Variants in ANO3 observed in about 807,000 individuals in gnomAD.
The protein encoded by ANO3 is anoctamin-3.
A neutral mutation model predicts 144.8 loss-of-function variants in ANO3; 99 were observed. The ratio of observed to expected loss-of-function variants is 0.68; its 90% CI spans 0.58 to 0.81. The LOEUF is 0.81. Ranked by LOEUF, ANO3 falls within the 30% of genes least tolerant of loss-of-function variation. ANO3 has a pLI of 0.00. For missense variants in ANO3, 905 were observed against 1,202.2 expected, an observed-to-expected ratio of 0.75 and a Z score of 3.66; for synonymous variants, 414 against 392.6, an observed-to-expected ratio of 1.05 and a Z score of -0.64.
chr11:26,419,480 C>G lies in ANO3; in HGVS notation c.47-22438C>G, dbSNP rs1046619538. Among the ~76,000 whole-genome samples the G allele has an allele frequency of 3.3e-5, 5 of 152,094 alleles. No individual in the cohort carries two copies. The South Asian group carries it at 1.0e-3, about 32-fold the overall frequency. On this transcript the variant is annotated intron_variant, in intron 1 of 26. Transcript: ENST00000256737. ...CTACCATGTATTGCAATAAACAGCA[C>G]ATTTCTGAACAAATTAGTAAAGTAA...
chr11:26,406,718 TGTGTGTGG>T (rs1458667302), intron 1 of ANO3, among the ~76,000 whole-genome samples: 3 of 141,674 alleles, frequency 2.1e-5, no homozygotes, highest in African/African-American at 2.7e-5. Context: ...TGTGTGTGTG[TGTGTGTGG>T]ATTGGTGGCA....
chr11:26,581,144 G>A (rs1851117377), intron 14 of ANO3, among the ~76,000 whole-genome samples: 1 of 152,128 alleles, frequency 6.6e-6, no homozygotes, highest in African/African-American at 2.4e-5. Context: ...ACCTCTAAGA[G>A]TCTCGGTTTG....
In ANO3 at chr11:26,660,829, C is replaced by T; in HGVS notation, c.*385C>T. 1 of 174,182 alleles carries T rather than the reference C, an allele frequency of 5.7e-6. No homozygotes were observed. Among genetic ancestry groups the T allele is most frequent in the East Asian group, 1.7e-4 (1 of 5,832 alleles). The allele number at this position is 174,182 out of a possible 1,614,324, so 10.8% of individuals were successfully genotyped here. ...GCCAGGCATGGCTTAAAATATCATG[C>T]AGTCTTCACTCACATACTAATTTGA... On this transcript the variant is annotated 3_prime_UTR_variant, in exon 27 of 27. Coordinates refer to ENST00000256737, the MANE Select transcript of ANO3 (RefSeq NM_031418.4).
chr11:26,245,871 A>G (rs1032802215), intron 1 of ANO3, among the ~76,000 whole-genome samples: 4 of 152,214 alleles, frequency 2.6e-5, no homozygotes, highest in Admixed American at 2.6e-4. Flanking sequence ...TGCAAAATCT[A>G]TTAGTCCTGC....
chr11:26,510,635 C>A (rs548584585), intron 5 of ANO3, among the ~76,000 whole-genome samples: 2 of 152,282 alleles, frequency 1.3e-5, no homozygotes, highest in South Asian at 2.1e-4. Flanking sequence ...TAGCACTGAG[C>A]AAGCTGCTGA....
intron 13 of ANO3, chr11:26,559,511 C>G: frequency 1.8e-6 from 1 of 541,846 alleles, no homozygotes; most frequent in South Asian, 2.6e-5. Context: ...GAGAAGAGGG[C>G]TAATGTTGTT....
chr11:26,505,011 C>CAAAAA (rs61530995), intron 4 of ANO3, among the ~76,000 whole-genome samples: 7 of 63,662 alleles, frequency 1.1e-4, no homozygotes, highest in African/African-American at 1.3e-4. Flanking sequence ...GACTCCACCT[C>CAAAAA]AAAAAAAAAA....
chr11:26,565,760 C>A (rs1590549821), intron 14 of ANO3: 1 of 1,613,292 alleles, frequency 6.2e-7, no homozygotes, highest in Non-Finnish European at 8.5e-7. Context: ...CTGCAATGTT[C>A]TGTGTTGTGT....
intron 24 of ANO3, among the ~76,000 whole-genome samples, chr11:26,649,673 G>T (rs61877277): frequency 0.031 from 4,647 of 152,074 alleles, 99 homozygotes; most frequent in Non-Finnish European, 0.049. Context: ...AGAGGCGGAG[G>T]TTGCAGTGAG....
intron 1 of ANO3, among the ~76,000 whole-genome samples, chr11:26,239,187 A>G (rs1179312929): frequency 6.6e-6 from 1 of 152,028 alleles, no homozygotes; most frequent in African/African-American, 2.4e-5. Context: ...ATATTTACAT[A>G]ATAATGCATT....
At chr11:26,284,736 A>T (rs1430266346) in intron 1 of ANO3, among the ~76,000 whole-genome samples, 7 of 104,218 alleles carry the variant, frequency 6.7e-5, no homozygotes, top group Admixed American at 9.1e-5. Flanking sequence ...CGTCTCTACT[A>T]AAAAAAAAAT....
chr11:26,575,765 C>T (rs1187733395), intron 14 of ANO3, among the ~76,000 whole-genome samples: 2 of 152,110 alleles, frequency 1.3e-5, no homozygotes, highest in East Asian at 1.9e-4. Flanking sequence ...TCAATAATTT[C>T]TATGTGATGG....
chr11:26,349,422 A>G (rs1245064193), intron 1 of ANO3, among the ~76,000 whole-genome samples: 3 of 152,236 alleles, frequency 2.0e-5, no homozygotes, highest in South Asian at 2.1e-4. Flanking sequence ...TCAAGTATAT[A>G]GAATTATTAT....
chr11:26,306,808 T>C (rs901086458), upstream of ANO3, among the ~76,000 whole-genome samples: 5 of 152,250 alleles, frequency 3.3e-5, no homozygotes, highest in African/African-American at 4.8e-5. Flanking sequence ...TGAGGTCTCC[T>C]AAGTATGAAA....
intron 2 of ANO3, among the ~76,000 whole-genome samples, chr11:26,443,041 G>C (rs1405206504): frequency 6.6e-5 from 10 of 152,054 alleles, no homozygotes; most frequent in Non-Finnish European, 7.4e-5. Context: ...TGGGATTACA[G>C]GTGTGAGCCA....
intron 26 of ANO3, among the ~76,000 whole-genome samples, chr11:26,657,651 A>G (rs1853731980): frequency 6.7e-6 from 1 of 150,354 alleles, no homozygotes; most frequent in South Asian, 2.2e-4. Context: ...ATTCTTCCAC[A>G]TATTTACTTG....
intron 1 of ANO3, among the ~76,000 whole-genome samples, chr11:26,323,787 A>G (rs1192385833): frequency 1.3e-5 from 2 of 152,206 alleles, no homozygotes; most frequent in African/African-American, 4.8e-5. Flanking sequence ...CTGGAAATCA[A>G]TCCAAAGCTT....
At chr11:26,253,088 C>T (rs146522972) in intron 1 of ANO3, among the ~76,000 whole-genome samples, 6 of 152,280 alleles carry the variant, frequency 3.9e-5, no homozygotes, top group Admixed American at 1.3e-4. Context: ...ACTGCCATGT[C>T]CACAGAAGGC....
chr11:26,411,873 CTAAATGTTA>C (rs1857442178), intron 1 of ANO3, among the ~76,000 whole-genome samples: 1 of 151,950 alleles, frequency 6.6e-6, no homozygotes, highest in South Asian at 2.1e-4. Context: ...CCCACAGACT[CTAAATGTTA>C]TAACTCCATA....
Sources: allele counts gnomAD v4.1 joint callset (sites outside exome capture counted in the v4.1 genomes callset), GRCh38; gene constraint gnomAD v4.1.1; transcripts MANE v1.5; gene names NCBI Gene and HGNC (gene_info 2026-07-23, HGNC 2026-07-21).